Variants in ADI1 observed in about 807,000 individuals in gnomAD.
The protein encoded by ADI1 is acireductone dioxygenase.
A neutral mutation model predicts 18.7 loss-of-function variants in ADI1; 21 were observed. The observed-to-expected ratio is 1.13, with a 90% confidence interval of 0.80 to 1.62. The LOEUF (loss-of-function observed/expected upper bound fraction) is 1.62. ADI1 is among the 40% of genes most tolerant of loss of function. ADI1 has a pLI of 0.00. For synonymous variants in ADI1, 90 were observed against 100.1 expected (o/e 0.90, Z 0.60); for missense variants, 245 against 254.9 (o/e 0.96, Z 0.26).
In ADI1 at chr2:3,498,834, A is replaced by G; in HGVS notation, c.*129T>C. ...CATTACAAAATATTCTGATCAAATA[A>G]TCTTACAAAGGAAAGATAATCTAGC... is the stretch of plus-strand genomic sequence containing the variant. On this transcript the variant is annotated 3_prime_UTR_variant, in exon 4 of 4. Coordinates refer to ENST00000327435, the MANE Select transcript of ADI1 (RefSeq NM_018269.4). The G allele has an allele frequency of 7.1e-7, 1 of 1,412,656 alleles. No homozygotes were observed. Among genetic ancestry groups the G allele is most frequent in the Non-Finnish European group, 9.5e-7 (1 of 1,048,118 alleles). The allele number at this position is 1,412,656 out of a possible 1,614,324, so 87.5% of individuals were successfully genotyped here.
At chr2:3,501,131 C>T (rs1417781770) in intron 2 of ADI1, 138 bp from the exon 3 acceptor site, 1 of 691,796 alleles carries the variant, frequency 1.4e-6, no homozygotes, top group Non-Finnish European at 2.4e-6. Flanking sequence ...TGAAACTACA[C>T]TTGCTAAGAA....
chr2:3,503,217 A>G (rs889671718), intron 2 of ADI1, among the ~76,000 whole-genome samples: 1 of 108,454 alleles, frequency 9.2e-6, no homozygotes, highest in Non-Finnish European at 1.7e-5. Flanking sequence ...ACACACATGC[A>G]CACACGTAAC....
chr2:3,500,501 A>C, intron 3 of ADI1: 11 of 277,840 alleles, frequency 4.0e-5, no homozygotes, highest in East Asian at 6.5e-5. Context: ...GGGCTGGGGC[A>C]GGGCCAGGCT....
At chr2:3,514,574 T>A (rs1667359523) in intron 1 of ADI1, among the ~76,000 whole-genome samples, 1 of 152,194 alleles carries the variant, frequency 6.6e-6, no homozygotes, top group Non-Finnish European at 1.5e-5. Context: ...ATATTTCACA[T>A]CCCCACAACC....
At chr2:3,518,232 C>T (rs1667450570) in intron 1 of ADI1, among the ~76,000 whole-genome samples, 1 of 152,194 alleles carries the variant, frequency 6.6e-6, no homozygotes. Context: ...TTGTCACTTC[C>T]CTCTTCTGTT....
intron 2 of ADI1, among the ~76,000 whole-genome samples, chr2:3,509,771 G>T (rs532418672): frequency 2.0e-5 from 3 of 151,978 alleles, no homozygotes; most frequent in Non-Finnish European, 4.4e-5. Flanking sequence ...GAGGAGGGAG[G>T]ATCACTTGAG....
intron 2 of ADI1, among the ~76,000 whole-genome samples, chr2:3,511,997 A>C (rs1667303788): frequency 6.6e-6 from 1 of 152,270 alleles, no homozygotes; most frequent in Admixed American, 6.5e-5. Flanking sequence ...TCTAAGCACC[A>C]AAGTGTTCAA....
Position 3,519,023 on chromosome 2 carries a change from C to T in ADI1, c.120+345G>A, listed in dbSNP as rs1399904171. Reference sequence around the variant, plus strand: ...GCTGCTGAGCATGCGCAGCCCACCCCAGGCGCCGGAAGCCGACCGCCAACC... The same window carrying T: ...GCTGCTGAGCATGCGCAGCCCACCCTAGGCGCCGGAAGCCGACCGCCAACC... On this transcript the variant is annotated intron_variant, in intron 1 of 3. Transcript: ENST00000327435. Among the ~76,000 whole-genome samples, 7 of 152,170 alleles carry T rather than the reference C, an allele frequency of 4.6e-5. No homozygotes were observed. The East Asian group carries it at 1.4e-3, about 29-fold the overall frequency.
At chr2:3,511,592 A>G (rs937666526) in intron 2 of ADI1, among the ~76,000 whole-genome samples, 90 of 152,330 alleles carry the variant, frequency 5.9e-4, no homozygotes, top group African/African-American at 2.1e-3. Flanking sequence ...ATATTTCTTT[A>G]TAGCAATGCA....
Position 3,498,733 on chromosome 2 carries a change from G to A in ADI1, c.*230C>T. ...AATGCATGAACTAACACAGGGCCATGGACCCACCAGTCTTGATTGAGTTAC... is the reference window on the plus strand; with the variant it reads ...AATGCATGAACTAACACAGGGCCATAGACCCACCAGTCTTGATTGAGTTAC... On this transcript the variant is annotated 3_prime_UTR_variant, in exon 4 of 4. Coordinates refer to ENST00000327435, the MANE Select transcript of ADI1 (RefSeq NM_018269.4). The A allele has an allele frequency of 1.7e-6, 1 of 577,896 alleles. No individual in the cohort carries two copies. 35.8% of individuals were successfully genotyped at this position (577,896 alleles called of 1,614,324 possible). A position where few individuals can be genotyped will look rare whatever the true frequency, so the allele number is the denominator to read the frequency against.
chr2:3,503,071 TCACA>T lies in ADI1; in HGVS notation c.241-2082_241-2079del, dbSNP rs1250983604. Among the ~76,000 whole-genome samples, 5 of 151,228 alleles carry T rather than the reference TCACA, an allele frequency of 3.3e-5. No homozygotes were observed. In the South Asian group the frequency reaches 1.0e-3, roughly 32 times the overall value. On this transcript the variant is annotated intron_variant, in intron 2 of 3. Coordinates refer to ENST00000327435, the MANE Select transcript of ADI1 (RefSeq NM_018269.4). ...CACACACACAGGGACACATGCACAC[TCACA>T]CAGGCGCACTGTCACACAAGCACAC...
chr2:3,518,915 GC>G (rs1448907106), intron 1 of ADI1, among the ~76,000 whole-genome samples: 3 of 152,212 alleles, frequency 2.0e-5, no homozygotes, highest in African/African-American at 7.2e-5. Context: ...CGGCTGCGAG[GC>G]CCCTGACTCG....
At chr2:3,501,952 C>T (rs966094346) in intron 2 of ADI1, among the ~76,000 whole-genome samples, 3 of 151,980 alleles carry the variant, frequency 2.0e-5, no homozygotes, top group African/African-American at 7.3e-5. Flanking sequence ...AGACTGTGCC[C>T]TTATAATCTG....
intron 2 of ADI1, among the ~76,000 whole-genome samples, chr2:3,503,069 A>G (rs986591255): frequency 1.8e-4 from 27 of 152,144 alleles, no homozygotes; most frequent in Admixed American, 3.3e-4. Context: ...ACACATGCAC[A>G]CTCACACAGG....
intron 1 of ADI1, among the ~76,000 whole-genome samples, chr2:3,518,854 C>G (rs1008713158): frequency 6.6e-6 from 1 of 152,222 alleles, no homozygotes; most frequent in African/African-American, 2.4e-5. Flanking sequence ...CCCTGCCGGC[C>G]GACCCTTCAG....
chr2:3,517,748 AAG>A (rs1406182239), intron 1 of ADI1: 1 of 151,364 alleles, frequency 6.6e-6, no homozygotes, highest in Non-Finnish European at 1.5e-5. Context: ...CCTGGGCAAA[AAG>A]AGCAAAAAAA....
intron 2 of ADI1, among the ~76,000 whole-genome samples, chr2:3,501,617 T>A (rs1157855766): frequency 6.6e-6 from 1 of 152,064 alleles, no homozygotes; most frequent in Non-Finnish European, 1.5e-5. Flanking sequence ...CACTGCAACC[T>A]CCGCCTCCCC....
chr2:3,505,410 G>C (rs979608715), intron 2 of ADI1, among the ~76,000 whole-genome samples: 3 of 152,094 alleles, frequency 2.0e-5, no homozygotes, highest in African/African-American at 4.8e-5. Context: ...ACAAGTCTGA[G>C]AGCTAAAAAA....
At position 3,512,763 on chromosome 2, in the gene ADI1, C is replaced by A. The variant is rs182963770; in HGVS notation, c.240+1094G>T. On this transcript the variant is annotated intron_variant, in intron 2 of 3. Coordinates refer to ENST00000327435, the MANE Select transcript of ADI1 (RefSeq NM_018269.4). ...GGGAAATGTGGGATTGAAGCCCCCT[C>A]ACAAAGTCCCCACTGGGGCACTGCC... 9.8e-5 allele frequency among the ~76,000 whole-genome samples: 15 copies of A among 152,346 alleles called. No individual in the cohort carries two copies. The East Asian group carries it at 2.9e-3, about 29-fold the overall frequency.
Sources: gnomAD v4.1 joint callset for allele counts (sites outside exome capture counted in the v4.1 genomes callset) on GRCh38, gnomAD v4.1.1 for gene constraint, MANE v1.5 for transcripts, NCBI Gene and HGNC (gene_info 2026-07-23, HGNC 2026-07-21) for gene names.